OPTN: variants seen among roughly 807,000 people sequenced by gnomAD.
OPTN encodes optineurin.
In OPTN, 54 loss-of-function variants were observed where a neutral mutation model predicts 70.4. That is an observed-to-expected ratio of 0.77 (90% CI 0.62 to 0.96). OPTN has a LOEUF of 0.96. Ranked by LOEUF, OPTN falls within the 40% of genes least tolerant of loss-of-function variation. OPTN has a pLI of 0.00. For missense variants in OPTN, 624 were observed against 673.2 expected, an observed-to-expected ratio of 0.93 and a Z score of 0.81; for synonymous variants, 256 against 248.5, an observed-to-expected ratio of 1.03 and a Z score of -0.28.
chr10:13,104,648 C>A, intron 1 of OPTN: 1 of 690,528 alleles, frequency 1.4e-6, no homozygotes, highest in Non-Finnish European at 2.7e-6. Flanking sequence ...CTGTTGCCCA[C>A]TAGTCGCCAT....
chr10:13,104,425 C>CTTT, intron 1 of OPTN: 1 of 147,984 alleles, frequency 6.8e-6, no homozygotes, highest in Non-Finnish European at 1.3e-5. Context: ...CACCCAGCTA[C>CTTT]TTTTTTTTTT....
At chr10:13,115,209 T>A (rs1320044265) in intron 5 of OPTN, among the ~76,000 whole-genome samples, 1 of 57,158 alleles carries the variant, frequency 1.7e-5, no homozygotes, top group African/African-American at 6.6e-5. Flanking sequence ...ATATCTATAT[T>A]TATATATATA....
chr10:13,107,716 T>A (rs1359879823), intron 1 of OPTN, among the ~76,000 whole-genome samples: 2 of 152,072 alleles, frequency 1.3e-5, no homozygotes, highest in African/African-American at 4.8e-5. Context: ...ATCCTGGAAG[T>A]AAATAATATG....
intron 13 of OPTN, among the ~76,000 whole-genome samples, chr10:13,132,723 T>C (rs1833619803): frequency 6.6e-6 from 1 of 152,162 alleles, no homozygotes; most frequent in African/African-American, 2.4e-5. Context: ...CTTGCCATCG[T>C]CACGGATGAA....
intron 5 of OPTN, among the ~76,000 whole-genome samples, 168 bp downstream of exon 5, chr10:13,112,803 G>C (rs1211305831): frequency 1.3e-5 from 2 of 151,920 alleles, no homozygotes; most frequent in South Asian, 2.1e-4. Context: ...TGCATGTAAG[G>C]GTTATCATAG....
In OPTN at chr10:13,116,362, C is replaced by T. The variant is rs1162012611; in HGVS notation, c.626+22C>T. The T allele has an allele frequency of 8.8e-6, 14 of 1,592,326 alleles. No individual in the cohort carries two copies. The East Asian group carries it at 1.3e-4, about 15-fold the overall frequency. The stretch of plus-strand genomic sequence containing the variant: ...GCACGTATGTGAAGGAAGACTCGGG[C>T]TGTCAGGCAGACAGGCTGGGCAGGC... On this transcript the variant is annotated intron_variant, in intron 6 of 14. Transcript: ENST00000378747.
intron 5 of OPTN, among the ~76,000 whole-genome samples, chr10:13,114,786 T>TTATATATACTA (rs1564358683): frequency 9.6e-6 from 1 of 103,700 alleles, no homozygotes; most frequent in African/African-American, 3.9e-5. Flanking sequence ...AATTATATAA[T>TTATATATACTA]TATATAATTA....
chr10:13,128,292 A>C (rs7919563), intron 12 of OPTN, among the ~76,000 whole-genome samples: 41,602 of 151,856 alleles, frequency 0.27, 5,855 homozygotes, highest in South Asian at 0.35. Flanking sequence ...TGGTTGGACC[A>C]GTTTTCACTC....
At chr10:13,136,174 G>A (rs1015128986) in intron 14 of OPTN, among the ~76,000 whole-genome samples, 1 of 151,784 alleles carries the variant, frequency 6.6e-6, no homozygotes, top group Non-Finnish European at 1.5e-5. Flanking sequence ...GAGAAAGAGC[G>A]AGACTCCATC....
At chr10:13,113,187 A>G (rs1833047717) in intron 5 of OPTN, among the ~76,000 whole-genome samples, 1 of 152,088 alleles carries the variant, frequency 6.6e-6, no homozygotes. Context: ...ACACCCGGCT[A>G]ACTTTTTGTA....
chr10:13,110,040 C>A, intron 3 of OPTN: 1 of 624,264 alleles, frequency 1.6e-6, no homozygotes, highest in South Asian at 2.0e-5. Flanking sequence ...TGGCGGTACC[C>A]AAATCCACTT....
At chr10:13,104,891 C>A (rs182785881) in intron 1 of OPTN, 3 of 283,694 alleles carry the variant, frequency 1.1e-5, no homozygotes, top group Middle Eastern at 1.1e-3. Flanking sequence ...ACCGCAGGAC[C>A]GGGAGGCGAG....
At chr10:13,112,212 G>C (rs984875916) in intron 4 of OPTN, among the ~76,000 whole-genome samples, 1 of 147,896 alleles carries the variant, frequency 6.8e-6, no homozygotes, top group Non-Finnish European at 1.5e-5. Context: ...GGCTCAGGCA[G>C]TCTTCCTGCC....
rs369436015 is a variant in OPTN at position 13,117,871 on chromosome 10, G to GT, written c.627-1016dup. On this transcript the variant is annotated intron_variant, in intron 6 of 14. Coordinates refer to ENST00000378747, the MANE Select transcript of OPTN (RefSeq NM_001008212.2). ...AGCCCTTGTATAAGGAAGAAAGTAA[G>GT]TATTAGATAATATTCTTTCGTCAAA... is the stretch of plus-strand genomic sequence containing the variant. 4.5e-3 allele frequency among the ~76,000 whole-genome samples: 679 copies of GT among 152,346 alleles called. 4 individuals carry two copies. Among genetic ancestry groups the GT allele is most frequent in the East Asian group, 0.016 (83 of 5,190 alleles).
At chr10:13,107,307 G>A (rs573630174) in intron 1 of OPTN, among the ~76,000 whole-genome samples, 1 of 151,526 alleles carries the variant, frequency 6.6e-6, no homozygotes, top group African/African-American at 2.4e-5. Context: ...CCCAGGAGGT[G>A]GAGGTTGCAG....
chr10:13,111,465 G>C (rs973300591), intron 4 of OPTN, among the ~76,000 whole-genome samples: 1 of 152,078 alleles, frequency 6.6e-6, no homozygotes, highest in South Asian at 2.1e-4. Flanking sequence ...TGGGAGGCTA[G>C]GGTGGGCAGA....
At chr10:13,100,356 C>G (rs1158459557) in intron 1 of OPTN, 54 bp downstream of exon 1, 1 of 152,282 alleles carries the variant, frequency 6.6e-6, no homozygotes, top group Non-Finnish European at 1.5e-5. Flanking sequence ...GGCTCCTTCC[C>G]GGCGGGCGCT....
rs538026214 is a variant in OPTN at position 13,108,697 on chromosome 10, A to G, written c.-12+408A>G. ...GAGTAGCTGGGACTACAAGCGCCCA[A>G]CACCAAGCCCGGCTAATTTTTTGTA... On this transcript the variant is annotated intron_variant, in intron 2 of 14. Transcript: ENST00000378747. 2.6e-4 allele frequency among the ~76,000 whole-genome samples: 40 copies of G among 152,070 alleles called. No homozygotes were observed. The East Asian group carries it at 6.8e-3, about 26-fold the overall frequency.
chr10:13,110,556 CT>C, intron 4 of OPTN, 80 bp downstream of exon 4: 1 of 1,362,442 alleles, frequency 7.3e-7, no homozygotes, highest in South Asian at 1.2e-5. Flanking sequence ...GTCTAGACTC[CT>C]AGATCAAAAC....
Sources: gnomAD v4.1 joint callset for allele counts (sites outside exome capture counted in the v4.1 genomes callset) on GRCh38, gnomAD v4.1.1 for gene constraint, MANE v1.5 for transcripts, NCBI Gene and HGNC (gene_info 2026-07-23, HGNC 2026-07-21) for gene names.